Variants in TRPV4 observed in about 807,000 individuals in gnomAD.
TRPV4 encodes transient receptor potential cation channel subfamily V member 4.
In TRPV4, 58 loss-of-function variants were observed where a neutral mutation model predicts 84.1. The ratio of observed to expected loss-of-function variants is 0.69; its 90% CI spans 0.56 to 0.86. The LOEUF is 0.86. TRPV4 is among the 40% of genes least tolerant of loss of function. The pLI, the probability that TRPV4 is intolerant of heterozygous loss-of-function variation, is 0.00. For synonymous variants in TRPV4, 489 were observed against 500.9 expected (o/e 0.98, Z 0.32); for missense variants, 879 against 1,181.1 (o/e 0.74, Z 3.75).
In TRPV4 at chr12:109,793,379, G is replaced by A. The variant is rs369717213; in HGVS notation, c.1658+148C>T. ...CTTGAACCAGAAGACCCTATTGTTT[G>A]TGGCTTTGTCCTGACTTTGGGTTAG... On this transcript the variant is annotated intron_variant, in intron 10 of 15. Transcript: ENST00000261740. The surrounding 1 kb of genome is among the most constrained non-coding windows in gnomAD (Gnocchi z 4.0). The A allele has an allele frequency of 2.3e-4, 168 of 745,074 alleles. No individual in the cohort carries two copies. The East Asian group carries it at 3.3e-3, about 15-fold the overall frequency. 46.2% of individuals were successfully genotyped at this position (745,074 alleles called of 1,614,324 possible).
At chr12:109,804,811 C>T (rs1003172274) in intron 3 of TRPV4, among the ~76,000 whole-genome samples, 4 of 152,198 alleles carry the variant, frequency 2.6e-5, no homozygotes, top group Non-Finnish European at 5.9e-5. Context: ...TCCCTCATTT[C>T]CCCCAGCCTC....
chr12:109,807,053 G>A (rs1328920872), intron 3 of TRPV4, among the ~76,000 whole-genome samples: 3 of 152,120 alleles, frequency 2.0e-5, no homozygotes, highest in Non-Finnish European at 2.9e-5. Flanking sequence ...AAGGCGGGCA[G>A]ATCACCTGAG....
chr12:109,794,152 G>T, intron 8 of TRPV4, 130 bp from the exon 9 acceptor site: 2 of 1,134,136 alleles, frequency 1.8e-6, no homozygotes, highest in South Asian at 2.7e-5. Flanking sequence ...TTCCTCCTGA[G>T]TCTTCCTCCT....
In TRPV4 at chr12:109,796,702, G is replaced by A; in HGVS notation, c.1155C>T (p.Ile385=). 1 of 1,611,450 alleles carries A rather than the reference G, an allele frequency of 6.2e-7. No homozygotes were observed. The highest frequency in any genetic ancestry group is 1.7e-5 in the Admixed American group (1 of 59,990). The change falls in exon 7 of 16, where the codon ATC becomes ATT. Residue 385 remains isoleucine (I), a splice_region_variant and synonymous_variant. Coordinates refer to ENST00000261740, the MANE Select transcript of TRPV4 (RefSeq NM_021625.5). This position sits in a 1 kb window ranked among gnomAD's most constrained non-coding sequence, Gnocchi z 4.2. ...MMAAKTGKIG[I]FQHIIRREVT... The stretch of plus-strand genomic sequence containing the variant: ...CCTCCCGCCGGATGATGTGCTGAAA[G>A]ATCTGCACAGGGGGCCAGGAGGGTC...
At chr12:109,787,719 C>A (rs1889775467) in intron 13 of TRPV4, among the ~76,000 whole-genome samples, 1 of 152,154 alleles carries the variant, frequency 6.6e-6, no homozygotes, top group African/African-American at 2.4e-5. Flanking sequence ...ACCTTGGGCC[C>A]TTTTTTCTCA....
chr12:109,799,845 C>T (rs1285348504), intron 5 of TRPV4, among the ~76,000 whole-genome samples: 2 of 152,144 alleles, frequency 1.3e-5, no homozygotes, highest in African/African-American at 4.8e-5. Flanking sequence ...ACTGCAGCCT[C>T]GAACTCCTAG....
rs1420465373 is a variant in TRPV4, at chr12:109,814,452, G to C, written c.345C>G (p.His115Gln). 13 of 1,614,072 alleles carry C rather than the reference G, an allele frequency of 8.1e-6. No individual in the cohort carries two copies. The highest frequency in any genetic ancestry group is 1.0e-5 in the Non-Finnish European group (12 of 1,180,028). Residue 115 changes from histidine to glutamine, a missense_variant, in exon 2 of 16, where the codon CAC becomes CAG. His to Gln is a conservative substitution (Grantham distance 24). Around this residue, in one of 4 missense-constraint regions of TRPV4, gnomAD observed 521 missense variants for 686.6 expected, o/e 0.76. Transcript: ENST00000261740. The surrounding 1 kb of genome is among the most constrained non-coding windows in gnomAD (Gnocchi z 5.4). ...TCCACCTCTTGTTGTCACTGGAGTG[G>C]TGACGATAGGTGCCGTAGTCAAACA... ...DSLFDYGTYR[H>Q]HSSDNKRWRK...
In TRPV4 at chr12:109,798,388, T is replaced by G. The variant is rs1203348948; in HGVS notation, c.1152+226A>C. Among the ~76,000 whole-genome samples the G allele has an allele frequency of 6.6e-6, 1 of 152,042 alleles. No individual in the cohort carries two copies. On this transcript the variant is annotated intron_variant, in intron 6 of 15. Transcript: ENST00000261740. This position sits in a 1 kb window ranked among gnomAD's most constrained non-coding sequence, Gnocchi z 5.0. ...GCTGGTGGGGGTGGAGTGGTGAACA[T>G]CCAGTAGGGTGACATGAGGCGAGAG...
Position 109,786,639 on chromosome 12 carries a change from G to A in TRPV4, c.2336+71C>T, listed in dbSNP as rs572858373. 6.3e-7 allele frequency: 1 copy of A among 1,598,694 alleles called. No homozygotes were observed. The highest frequency in any genetic ancestry group is 1.3e-5 in the African/African-American group (1 of 74,656). ...AAATTGCAATGGGTAGACGACGCTGGAGCAGCAGGGGCCCCGAGCCAGTGG... is the reference window on the plus strand; with the variant it reads ...AAATTGCAATGGGTAGACGACGCTGAAGCAGCAGGGGCCCCGAGCCAGTGG... On this transcript the variant is annotated intron_variant, in intron 14 of 15. Coordinates refer to ENST00000261740, the MANE Select transcript of TRPV4 (RefSeq NM_021625.5). This position sits in a 1 kb window ranked among gnomAD's most constrained non-coding sequence, Gnocchi z 4.5.
At chr12:109,790,266 G>T (rs1259606740) in intron 12 of TRPV4, among the ~76,000 whole-genome samples, 1 of 152,214 alleles carries the variant, frequency 6.6e-6, no homozygotes, top group South Asian at 2.1e-4. Context: ...AACCTGCTCA[G>T]ATGTGTATGT....
intron 1 of TRPV4, among the ~76,000 whole-genome samples, chr12:109,828,123 G>A (rs1892317229): frequency 6.6e-6 from 1 of 152,206 alleles, no homozygotes; most frequent in Non-Finnish European, 1.5e-5. Flanking sequence ...CAAAGAAATA[G>A]AAGGATATTC....
In TRPV4 at chr12:109,804,699, G is replaced by A. The variant is rs561731086; in HGVS notation, c.560-1556C>T. 3.0e-4 allele frequency among the ~76,000 whole-genome samples: 45 copies of A among 152,216 alleles called. No homozygotes were observed. In the East Asian group the frequency reaches 3.3e-3, roughly 11 times the overall value. On this transcript the variant is annotated intron_variant, in intron 3 of 15. Coordinates refer to ENST00000261740, the MANE Select transcript of TRPV4 (RefSeq NM_021625.5). ...AAGTCTTGTTCCCAGTTGCTTTCCC[G>A]CTGTCCACCTGGCGCCCAGCTCAGA...
At chr12:109,813,217 C>G (rs1891629878) in intron 2 of TRPV4, among the ~76,000 whole-genome samples, 1 of 152,106 alleles carries the variant, frequency 6.6e-6, no homozygotes, top group African/African-American at 2.4e-5. Context: ...CAAGACCAGC[C>G]TGGCCAAGAT....
chr12:109,803,505 T>C (rs1266147365), intron 3 of TRPV4, among the ~76,000 whole-genome samples: 1 of 152,156 alleles, frequency 6.6e-6, no homozygotes, highest in African/African-American at 2.4e-5. Context: ...GCCTGGGGTA[T>C]AGTTGTGCAA....
intron 1 of TRPV4, among the ~76,000 whole-genome samples, chr12:109,830,079 G>A (rs1892371347): frequency 6.6e-6 from 1 of 152,220 alleles, no homozygotes; most frequent in Non-Finnish European, 1.5e-5. Context: ...GCCTCCCAGA[G>A]TGTTGGGATT....
chr12:109,802,782 A>G (rs1321436340), intron 4 of TRPV4, among the ~76,000 whole-genome samples: 1 of 152,034 alleles, frequency 6.6e-6, no homozygotes, highest in East Asian at 1.9e-4. Context: ...AACTCGAAAC[A>G]AAGTTGGAAG....
chr12:109,795,378 G>A (rs1890323317), intron 7 of TRPV4, among the ~76,000 whole-genome samples: 1 of 152,178 alleles, frequency 6.6e-6, no homozygotes, highest in African/African-American at 2.4e-5. Context: ...CAAAAAATGA[G>A]GGAAATGAGG....
chr12:109,796,733 G>T lies in TRPV4; in HGVS notation c.1153-29C>A, dbSNP rs766571875. 6.3e-7 allele frequency: 1 copy of T among 1,591,772 alleles called. No homozygotes were observed. The highest frequency in any genetic ancestry group is 1.1e-5 in the South Asian group (1 of 88,110). On this transcript the variant is annotated intron_variant, in intron 6 of 15. Transcript: ENST00000261740. The surrounding 1 kb of genome is among the most constrained non-coding windows in gnomAD (Gnocchi z 4.2). ...CACAGGGGGCCAGGAGGGTCAGGGG[G>T]CTCACACTGGAAAGACCCCCAGGGC...
rs1230561547 is a variant in TRPV4 at position 109,786,300 on chromosome 12, C to T, written c.2336+410G>A. ...CACATTCCTCAGCTTCCCATTTCAC[C>T]GAGGGCACTAGAGCTCACCCCACTG... On this transcript the variant is annotated intron_variant, in intron 14 of 15. Transcript: ENST00000261740. This position sits in a 1 kb window ranked among gnomAD's most constrained non-coding sequence, Gnocchi z 4.5. 2.0e-5 allele frequency among the ~76,000 whole-genome samples: 3 copies of T among 152,154 alleles called. No individual in the cohort carries two copies. Among genetic ancestry groups the T allele is most frequent in the East Asian group, 1.9e-4 (1 of 5,198 alleles).
Sources: allele counts gnomAD v4.1 joint callset (sites outside exome capture counted in the v4.1 genomes callset), GRCh38; gene constraint gnomAD v4.1.1; regional missense constraint gnomAD v4.1.1; non-coding constraint Gnocchi (gnomAD v3.1); transcripts MANE v1.5; gene names NCBI Gene and HGNC (gene_info 2026-07-23, HGNC 2026-07-21).